Variants in SLC44A5 observed in about 807,000 individuals in gnomAD.
SLC44A5 encodes choline transporter-like protein 5.
SLC44A5 carries 57 observed loss-of-function variants against 101.8 expected under a neutral mutation model. The observed-to-expected ratio is 0.56, with a 90% confidence interval of 0.45 to 0.70. The LOEUF (loss-of-function observed/expected upper bound fraction) is 0.70, where lower values mean the gene tolerates loss of function less well. Ranked by LOEUF, SLC44A5 falls within the 30% of genes least tolerant of loss-of-function variation. SLC44A5 has a pLI of 0.00. For synonymous variants in SLC44A5, 281 were observed against 290.9 expected (o/e 0.97, Z 0.35); for missense variants, 737 against 853.1 (o/e 0.86, Z 1.70).
At chr1:75,355,774 G>C (rs1659018505) in intron 3 of SLC44A5, among the ~76,000 whole-genome samples, 1 of 152,076 alleles carries the variant, frequency 6.6e-6, no homozygotes, top group Admixed American at 6.6e-5. Flanking sequence ...TTGTATAAAA[G>C]TATCACACAT....
chr1:75,616,979 T>G, the SLC44A5 span, among the ~76,000 whole-genome samples: 11 of 152,278 alleles, frequency 7.2e-5, no homozygotes, highest in African/African-American at 2.6e-4. Context: ...AGTTCTCATG[T>G]TCCTGGAGGA....
intron 3 of SLC44A5, among the ~76,000 whole-genome samples, chr1:75,364,060 G>C (rs963264918): frequency 6.6e-6 from 1 of 151,950 alleles, no homozygotes. Flanking sequence ...ACTTGTATGT[G>C]GCATATCTTT....
At chr1:75,304,417 T>C (rs1654755117) in intron 4 of SLC44A5, among the ~76,000 whole-genome samples, 2 of 152,164 alleles carry the variant, frequency 1.3e-5, no homozygotes, top group Non-Finnish European at 2.9e-5. Context: ...AAAAATATAA[T>C]TAGTGCTTAG....
At chr1:75,651,590 G>T in the SLC44A5 span, among the ~76,000 whole-genome samples, 1 of 151,512 alleles carries the variant, frequency 6.6e-6, no homozygotes, top group Admixed American at 6.6e-5. Flanking sequence ...CCAGCTACTC[G>T]GGAGGCTGAG....
At chr1:75,376,129 C>G (rs531228302) in intron 3 of SLC44A5, among the ~76,000 whole-genome samples, 35 of 152,170 alleles carry the variant, frequency 2.3e-4, no homozygotes, top group African/African-American at 8.4e-4. Flanking sequence ...CTTTTCCGAC[C>G]GGCTTAAAAA....
intron 2 of SLC44A5, among the ~76,000 whole-genome samples, chr1:75,474,560 TAGTA>T (rs1380838761): frequency 6.6e-6 from 1 of 152,224 alleles, no homozygotes; most frequent in East Asian, 1.9e-4. Context: ...CTAATCTTGA[TAGTA>T]AGACATTTAC....
At chr1:75,702,594 C>T in the SLC44A5 span, among the ~76,000 whole-genome samples, 1 of 152,162 alleles carries the variant, frequency 6.6e-6, no homozygotes, top group Non-Finnish European at 1.5e-5. Context: ...AGGACATAGG[C>T]ATGGGCGAGG....
chr1:75,282,643 T>C (rs965258591), intron 5 of SLC44A5, among the ~76,000 whole-genome samples: 1 of 152,156 alleles, frequency 6.6e-6, no homozygotes, highest in South Asian at 2.1e-4. Context: ...CACTAGATCA[T>C]GGGTGCAGTT....
chr1:75,598,765 G>A (rs1570711121), intron 1 of SLC44A5, among the ~76,000 whole-genome samples: 2 of 152,180 alleles, frequency 1.3e-5, no homozygotes. Context: ...CACATACTGG[G>A]GCCTATTGAA....
In SLC44A5 at chr1:75,351,367, GA is replaced by G. The variant is rs556323898; in HGVS notation, c.53-11738del. On this transcript the variant is annotated intron_variant, in intron 3 of 23. Coordinates refer to ENST00000370859, the MANE Select transcript of SLC44A5 (RefSeq NM_001130058.2). ...TGGTAGGACGATGGATATCTATAAA[GA>G]AAAAAAATAATAAACTTGGACATTA... 1.8e-3 allele frequency among the ~76,000 whole-genome samples: 269 copies of G among 151,544 alleles called. 2 individuals are homozygous for G. Among genetic ancestry groups the G allele is most frequent in the Admixed American group, 3.2e-3 (49 of 15,214 alleles).
chr1:75,698,771 T>C, the SLC44A5 span, among the ~76,000 whole-genome samples: 1 of 152,202 alleles, frequency 6.6e-6, no homozygotes, highest in Middle Eastern at 3.4e-3. Flanking sequence ...TTTAGAAGAA[T>C]GTATAACTAG....
At chr1:75,684,539 A>T in the SLC44A5 span, among the ~76,000 whole-genome samples, 6 of 152,096 alleles carry the variant, frequency 3.9e-5, no homozygotes, top group Non-Finnish European at 8.8e-5. Flanking sequence ...GGCCAATTTC[A>T]AAGTGGAGAA....
At chr1:75,486,331 C>A (rs1255882497) in intron 2 of SLC44A5, among the ~76,000 whole-genome samples, 1 of 151,940 alleles carries the variant, frequency 6.6e-6, no homozygotes, top group African/African-American at 2.4e-5. Context: ...GCAGGATGGG[C>A]ATATGTCTGT....
chr1:75,461,928 C>T (rs898525776), intron 2 of SLC44A5, among the ~76,000 whole-genome samples: 4 of 152,212 alleles, frequency 2.6e-5, no homozygotes, highest in African/African-American at 9.7e-5. Flanking sequence ...TCCCAAACAA[C>T]ACCTATGGAC....
chr1:75,599,185 C>T (rs1674825503), intron 1 of SLC44A5, among the ~76,000 whole-genome samples: 2 of 152,070 alleles, frequency 1.3e-5, no homozygotes, highest in African/African-American at 4.8e-5. Flanking sequence ...AAATTGCGCA[C>T]AATCAAAATG....
At chr1:75,398,500 C>T in intron 2 of SLC44A5, 10 of 547,408 alleles carry the variant, frequency 1.8e-5, no homozygotes, top group Non-Finnish European at 2.3e-5. Flanking sequence ...CTCTTAACAA[C>T]CATACACTGT....
At chr1:75,536,076 G>A (rs566777558) in intron 2 of SLC44A5, among the ~76,000 whole-genome samples, 7 of 151,202 alleles carry the variant, frequency 4.6e-5, no homozygotes, top group African/African-American at 1.2e-4. Context: ...CTTGAGAAAT[G>A]GCTATATGCT....
At chr1:75,410,738 T>G (rs1663220586) in intron 2 of SLC44A5, among the ~76,000 whole-genome samples, 1 of 152,094 alleles carries the variant, frequency 6.6e-6, no homozygotes. Flanking sequence ...TATAACTGAT[T>G]TTTTGCTTTG....
At chr1:75,468,482 C>G (rs1256767878) in intron 2 of SLC44A5, among the ~76,000 whole-genome samples, 1 of 152,138 alleles carries the variant, frequency 6.6e-6, no homozygotes, top group Non-Finnish European at 1.5e-5. Context: ...TAGTACTATT[C>G]AGCCATAGAA....
Sources: gnomAD v4.1 joint callset for allele counts (sites outside exome capture counted in the v4.1 genomes callset) on GRCh38, gnomAD v4.1.1 for gene constraint, MANE v1.5 for transcripts, NCBI Gene and HGNC (gene_info 2026-07-23, HGNC 2026-07-21) for gene names.